AFM: variants seen among roughly 807,000 people sequenced by gnomAD.
The protein encoded by AFM is afamin.
AFM carries 82 observed loss-of-function variants against 68.7 expected under a neutral mutation model. That is an observed-to-expected ratio of 1.19 (90% CI 1.00 to 1.43). AFM has a LOEUF of 1.43. Ranked by LOEUF, AFM falls within the 40% of genes most tolerant of loss-of-function variation. The probability of loss-of-function intolerance (pLI) is 0.00; values close to 1 mark genes in which losing one functional copy is unlikely to be tolerated. For missense variants in AFM, 772 were observed against 701.8 expected, an observed-to-expected ratio of 1.10 and a Z score of -1.13; for synonymous variants, 250 against 234.2, an observed-to-expected ratio of 1.07 and a Z score of -0.61.
chr4:73,488,067 C>A (rs1720959825), intron 6 of AFM, among the ~76,000 whole-genome samples: 1 of 152,054 alleles, frequency 6.6e-6, no homozygotes, highest in African/African-American at 2.4e-5. Context: ...AATTGAGAAT[C>A]TGAACTGCTC....
chr4:73,485,617 A>AGAG lies in AFM; in HGVS notation c.271-243_271-242insGGA, dbSNP rs1266526329. ...AAGAGGAAGAGGAAGAGGAAGAGGA[A>AGAG]GAAGAAGAAGAAAAAGAAGAGGAAG... On this transcript the variant is annotated intron_variant, in intron 3 of 14. Transcript: ENST00000226355. Among the ~76,000 whole-genome samples the AGAG allele has an allele frequency of 1.3e-3, 185 of 145,366 alleles. 1 individual carries two copies. Among genetic ancestry groups the AGAG allele is most frequent in the Admixed American group, 8.5e-3 (124 of 14,580 alleles).
chr4:73,493,436 A>AT (rs1347615179), intron 8 of AFM, among the ~76,000 whole-genome samples: 1 of 152,160 alleles, frequency 6.6e-6, no homozygotes, highest in African/African-American at 2.4e-5. Context: ...TACCAGTAGA[A>AT]TAACTAATTG....
chr4:73,497,584 C>T lies in AFM; in HGVS notation c.1192-68C>T, dbSNP rs962962065. On this transcript the variant is annotated intron_variant, in intron 9 of 14. Coordinates refer to ENST00000226355, the MANE Select transcript of AFM (RefSeq NM_001133.2). ...TAGAAATAAGAAATGCTATTCTACA[C>T]ATTGATGTAAAGCTTATGGTTAAAT... 7 of 990,928 alleles carry T rather than the reference C, an allele frequency of 7.1e-6. No homozygotes were observed. The African/African-American group carries it at 1.2e-4, about 17-fold the overall frequency. 61.4% of individuals were successfully genotyped at this position (990,928 alleles called of 1,614,324 possible).
rs1720721115 is a variant in AFM at position 73,481,783 on chromosome 4, T to C, written c.8T>C (p.Leu3Pro). 6.3e-7 allele frequency: 1 copy of C among 1,586,382 alleles called. No individual in the cohort carries two copies. The highest frequency in any genetic ancestry group is 8.6e-7 in the Non-Finnish European group (1 of 1,161,634). ...AATGTGGTTTCTACAAAGATGAAAC[T>C]ACTAAAACTTACAGGTTTTATTTTT... The part of the protein sequence containing the change: MK[L>P]LKLTGFIFFL... The change falls in exon 1 of 15, where the codon CTA becomes CCA. Residue 3 changes from leucine (L) to proline (P), a missense_variant. Physicochemically the swap from Leu to Pro is moderately conservative, Grantham distance 98. Coordinates refer to ENST00000226355, the MANE Select transcript of AFM (RefSeq NM_001133.2).
chr4:73,484,962 G>A (rs1355076887), intron 3 of AFM, among the ~76,000 whole-genome samples: 2 of 152,140 alleles, frequency 1.3e-5, no homozygotes, highest in African/African-American at 4.8e-5. Context: ...TTGGTATTTA[G>A]AACAAGGTAC....
chr4:73,486,830 C>T (rs1359528161), intron 4 of AFM, 137 bp from the exon 5 acceptor site: 1 of 872,292 alleles, frequency 1.1e-6, no homozygotes, highest in Non-Finnish European at 1.7e-6. Context: ...ACAACTTGCT[C>T]TTCTTGTCTC....
chr4:73,488,059 T>C (rs1346221412), intron 6 of AFM, among the ~76,000 whole-genome samples: 4 of 152,024 alleles, frequency 2.6e-5, no homozygotes, highest in Non-Finnish European at 4.4e-5. Context: ...TTTAGGTTAA[T>C]TGAGAATCTG....
intron 8 of AFM, among the ~76,000 whole-genome samples, chr4:73,493,298 C>T (rs1721135797): frequency 6.6e-6 from 1 of 152,134 alleles, no homozygotes; most frequent in Non-Finnish European, 1.5e-5. Context: ...TTTTAGAAAC[C>T]TCATCTGAAG....
At chr4:73,494,406 A>G (rs1338725834) in intron 8 of AFM, among the ~76,000 whole-genome samples, 1 of 151,930 alleles carries the variant, frequency 6.6e-6, no homozygotes, top group Non-Finnish European at 1.5e-5. Flanking sequence ...TCTTTTTTTT[A>G]TGAAGACTGT....
intron 7 of AFM, 73 bp from the exon 8 acceptor site, chr4:73,491,799 G>A: frequency 8.2e-7 from 1 of 1,218,084 alleles, no homozygotes; most frequent in South Asian, 1.3e-5. Flanking sequence ...GACTGGTTTT[G>A]CATGCCATCA....
chr4:73,494,442 G>C (rs1454311489), intron 8 of AFM, among the ~76,000 whole-genome samples: 1 of 152,076 alleles, frequency 6.6e-6, no homozygotes, highest in Non-Finnish European at 1.5e-5. Context: ...GGTACTTCAA[G>C]ATGACATCTC....
intron 10 of AFM, 103 bp from the exon 11 acceptor site, chr4:73,499,011 T>C (rs1721338639): frequency 8.3e-7 from 1 of 1,210,426 alleles, no homozygotes; most frequent in Non-Finnish European, 1.1e-6. Context: ...GTTGCACCTA[T>C]ATTGGTTGTC....
Position 73,481,919 on chromosome 4 carries a change from T to C in AFM, c.88+56T>C, listed in dbSNP as rs1720726556. 12 of 1,287,664 alleles carry C rather than the reference T, an allele frequency of 9.3e-6. No homozygotes were observed. The South Asian group carries it at 1.5e-4, about 16-fold the overall frequency. The allele number at this position is 1,287,664 out of a possible 1,614,324, so 79.8% of individuals were successfully genotyped here. The stretch of plus-strand genomic sequence containing the variant: ...CATGACCAGTTAGGATAATTTCTAT[T>C]TTTAAAATTTTGTTTTCTTTCAAGT... On this transcript the variant is annotated intron_variant, in intron 1 of 14. Transcript: ENST00000226355.
rs947221179 is a variant in AFM, at chr4:73,503,171, C to T, written c.*40+61C>T. 9 of 1,282,934 alleles carry T rather than the reference C, an allele frequency of 7.0e-6. No homozygotes were observed. The Admixed American group carries it at 8.9e-5, about 13-fold the overall frequency. The allele number at this position is 1,282,934 out of a possible 1,614,324, so 79.5% of individuals were successfully genotyped here. Reference sequence around the variant, plus strand: ...TTTGTGGCTTATCTGATCTCCTTGCCTTTTCTCCCTCATGCTTCTTTGTCT... The same window carrying T: ...TTTGTGGCTTATCTGATCTCCTTGCTTTTTCTCCCTCATGCTTCTTTGTCT... On this transcript the variant is annotated intron_variant, in intron 14 of 14. Coordinates refer to ENST00000226355, the MANE Select transcript of AFM (RefSeq NM_001133.2).
intron 11 of AFM, 141 bp downstream of exon 11, chr4:73,499,387 CT>C: frequency 1.1e-6 from 1 of 909,482 alleles, no homozygotes; most frequent in Non-Finnish European, 1.5e-6. Context: ...TCAAGTTTTC[CT>C]TTTGGCTCAC....
intron 9 of AFM, 49 bp downstream of exon 9, chr4:73,495,481 A>G: frequency 6.3e-7 from 1 of 1,584,336 alleles, no homozygotes; most frequent in Non-Finnish European, 8.5e-7. Context: ...AACAACTAGA[A>G]AACACTTAAA....
At chr4:73,484,229 C>A (rs1395048351) in intron 2 of AFM, 29 bp from the exon 3 acceptor site, 1 of 1,584,758 alleles carries the variant, frequency 6.3e-7, no homozygotes, top group Non-Finnish European at 8.5e-7. Context: ...TGCAACTGAT[C>A]TTTGTATACC....
rs780474686 is a variant in AFM, at chr4:73,486,995, C to A, written c.511C>A (p.Pro171Thr). The part of the protein sequence containing the change: ...HFLYEVARRN[P>T]FVFAPTLLTV... ...TTTATATGAAGTTGCCAGAAGGAACCCATTTGTCTTCGCCCCTACACTTCT... is the reference window on the plus strand; with the variant it reads ...TTTATATGAAGTTGCCAGAAGGAACACATTTGTCTTCGCCCCTACACTTCT... Residue 171 changes from proline (P) to threonine (T), a missense_variant, in exon 5 of 15, where the codon CCA becomes ACA. Pro to Thr is a conservative substitution (Grantham distance 38). Coordinates refer to ENST00000226355, the MANE Select transcript of AFM (RefSeq NM_001133.2). 3.1e-6 allele frequency: 5 copies of A among 1,613,332 alleles called. No individual in the cohort carries two copies. In the African/African-American group the frequency reaches 5.3e-5, roughly 17 times the overall value.
chr4:73,502,402 C>T (rs1721445996), intron 13 of AFM, among the ~76,000 whole-genome samples: 1 of 152,018 alleles, frequency 6.6e-6, no homozygotes, highest in Non-Finnish European at 1.5e-5. Flanking sequence ...TAACATCCTG[C>T]AGTTGAGAAT....
Sources: allele counts gnomAD v4.1 joint callset (sites outside exome capture counted in the v4.1 genomes callset), GRCh38; gene constraint gnomAD v4.1.1; transcripts MANE v1.5; gene names NCBI Gene and HGNC (gene_info 2026-07-23, HGNC 2026-07-21).